The following AGBL4 variants were observed in gnomAD, a reference collection of about 807,000 sequenced individuals.
The protein encoded by AGBL4 is AGBL carboxypeptidase 4, also known as cytosolic carboxypeptidase 6.
Under a neutral mutation model 66.4 loss-of-function variants are expected in AGBL4, and 58 were observed. The ratio of observed to expected loss-of-function variants is 0.87; its 90% CI spans 0.71 to 1.09. AGBL4 has a LOEUF of 1.09. Ranked by LOEUF, AGBL4 falls within the 50% of genes least tolerant of loss-of-function variation. The probability of loss-of-function intolerance (pLI) is 0.00; values close to 1 mark genes in which losing one functional copy is unlikely to be tolerated. For synonymous variants in AGBL4, 234 were observed against 222.9 expected, an observed-to-expected ratio of 1.05 and a Z score of -0.44; for missense variants, 579 against 631.0, an observed-to-expected ratio of 0.92 and a Z score of 0.88.
intron 3 of AGBL4, among the ~76,000 whole-genome samples, chr1:49,648,844 G>A (rs1378299552): frequency 1.3e-5 from 2 of 151,550 alleles, no homozygotes; most frequent in Non-Finnish European, 2.9e-5. Context: ...TGAAAGAAAT[G>A]TTAAAAGAAA....
rs571036241 is a variant in AGBL4 at position 49,452,178 on chromosome 1, A to C, written c.283-206314T>G. Reference sequence around the variant, plus strand: ...ACGTTCGGATTTCTCTTCAGCCCAAATCTGTTTTATTATGCTTCTGGCTCA... The same window carrying C: ...ACGTTCGGATTTCTCTTCAGCCCAACTCTGTTTTATTATGCTTCTGGCTCA... On this transcript the variant is annotated intron_variant, in intron 3 of 13. Coordinates refer to ENST00000371839, the MANE Select transcript of AGBL4 (RefSeq NM_032785.4). Among the ~76,000 whole-genome samples the C allele has an allele frequency of 7.4e-4, 113 of 151,798 alleles. 1 individual carries two copies. The South Asian group carries it at 0.023, about 31-fold the overall frequency.
intron 6 of AGBL4, among the ~76,000 whole-genome samples, chr1:48,777,755 A>G (rs903994101): frequency 6.6e-6 from 1 of 152,120 alleles, no homozygotes; most frequent in African/African-American, 2.4e-5. Flanking sequence ...CAGCACGCCC[A>G]CCACTGAGCA....
At chr1:49,947,018 AC>A (rs1036587684) in intron 1 of AGBL4, among the ~76,000 whole-genome samples, 25 of 151,928 alleles carry the variant, frequency 1.6e-4, no homozygotes, top group African/African-American at 5.8e-4. Context: ...AGAATTAGAC[AC>A]CCTGAACAGA....
intron 2 of AGBL4, among the ~76,000 whole-genome samples, chr1:49,807,896 C>CATGTGAG (rs1372290145): frequency 6.6e-6 from 1 of 152,194 alleles, no homozygotes; most frequent in Non-Finnish European, 1.5e-5. Flanking sequence ...CCCTTCCACC[C>CATGTGAG]ATGTGAGGGC....
At chr1:49,004,945 G>T (rs1007207093) in intron 5 of AGBL4, among the ~76,000 whole-genome samples, 19 of 152,168 alleles carry the variant, frequency 1.2e-4, no homozygotes, top group Non-Finnish European at 2.6e-4. Context: ...CGAGTTTAGA[G>T]CAAGATGTTT....
intron 5 of AGBL4, among the ~76,000 whole-genome samples, chr1:48,956,517 C>G (rs184462853): frequency 6.6e-6 from 1 of 152,228 alleles, no homozygotes; most frequent in Admixed American, 6.5e-5. Flanking sequence ...AAAAACATAA[C>G]TGCAATTGCT....
chr1:49,969,374 T>A (rs988583822), intron 1 of AGBL4, among the ~76,000 whole-genome samples: 1 of 151,608 alleles, frequency 6.6e-6, no homozygotes, highest in Non-Finnish European at 1.5e-5. Flanking sequence ...TCTGTGTGAG[T>A]GTGTGTGTGT....
chr1:48,779,704 C>CTTTTTTTTTTTTTTTTTTTTTTT (rs200375125), intron 6 of AGBL4, among the ~76,000 whole-genome samples: 3 of 137,182 alleles, frequency 2.2e-5, no homozygotes, highest in African/African-American at 2.8e-5. Flanking sequence ...CTGTTCCTCT[C>CTTTTTTTTTTTTTTTTTTTTTTT]TTTTTTTTTT....
chr1:49,955,445 C>T (rs1656514811), intron 1 of AGBL4, among the ~76,000 whole-genome samples: 1 of 151,942 alleles, frequency 6.6e-6, no homozygotes, highest in South Asian at 2.1e-4. Flanking sequence ...TTCTCTTCTT[C>T]CTTAAAGCAT....
At chr1:49,855,673 T>A (rs1646414878) in intron 1 of AGBL4, among the ~76,000 whole-genome samples, 1 of 151,486 alleles carries the variant, frequency 6.6e-6, no homozygotes, top group African/African-American at 2.4e-5. Flanking sequence ...ATGAAAAAAA[T>A]TAAGAAGAAA....
intron 6 of AGBL4, among the ~76,000 whole-genome samples, chr1:48,695,419 C>G (rs909016736): frequency 6.6e-6 from 1 of 152,216 alleles, no homozygotes; most frequent in Non-Finnish European, 1.5e-5. Flanking sequence ...CACGCTTTAG[C>G]CCTAATTTCA....
chr1:49,606,233 C>G (rs1300125214), intron 3 of AGBL4, among the ~76,000 whole-genome samples: 1 of 152,108 alleles, frequency 6.6e-6, no homozygotes, highest in African/African-American at 2.4e-5. Context: ...TACCATATTA[C>G]TCTCTCCACA....
chr1:49,915,219 G>A (rs961524924), intron 1 of AGBL4, among the ~76,000 whole-genome samples: 8 of 152,136 alleles, frequency 5.3e-5, no homozygotes, highest in Non-Finnish European at 1.2e-4. Flanking sequence ...TCTCACTGGG[G>A]CATGTTGGAC....
chr1:48,817,059 T>C (rs1283234554), intron 6 of AGBL4, among the ~76,000 whole-genome samples: 5 of 152,272 alleles, frequency 3.3e-5, no homozygotes, highest in Admixed American at 3.3e-4. Context: ...TTCTAGGAAC[T>C]GTAAATACTT....
At chr1:49,040,549 C>T (rs1643911648) in intron 5 of AGBL4, among the ~76,000 whole-genome samples, 1 of 152,034 alleles carries the variant, frequency 6.6e-6, no homozygotes, top group African/African-American at 2.4e-5. Context: ...CGAAATCCAT[C>T]CAAATGTCCT....
rs1651938263 is a variant in AGBL4, at chr1:49,919,278, A to G, written c.35-67760T>C. Among the ~76,000 whole-genome samples the G allele has an allele frequency of 2.0e-5, 3 of 152,324 alleles. No homozygotes were observed. In the South Asian group the frequency reaches 6.2e-4, roughly 32 times the overall value. On this transcript the variant is annotated intron_variant, in intron 1 of 13. Transcript: ENST00000371839. ...AGAAATAAAGGGGATTCAATTAGGA[A>G]AACAGGAAGTCACATTGGCCCTGTT...
intron 3 of AGBL4, among the ~76,000 whole-genome samples, chr1:49,621,051 G>A (rs1429626806): frequency 6.6e-6 from 1 of 152,132 alleles, no homozygotes; most frequent in Non-Finnish European, 1.5e-5. Flanking sequence ...ACATTTATAT[G>A]AATGTTGTCT....
At chr1:48,799,940 G>T (rs186499361) in intron 6 of AGBL4, among the ~76,000 whole-genome samples, 1 of 152,266 alleles carries the variant, frequency 6.6e-6, no homozygotes, top group Admixed American at 6.5e-5. Flanking sequence ...GTTCATCAGA[G>T]ATATTGGTCT....
intron 2 of AGBL4, among the ~76,000 whole-genome samples, chr1:49,781,038 C>T (rs1321087908): frequency 6.6e-6 from 1 of 151,918 alleles, no homozygotes; most frequent in African/African-American, 2.4e-5. Context: ...AAAAGGTATA[C>T]CACACAAAAA....
Sources: gnomAD v4.1 joint callset for allele counts (sites outside exome capture counted in the v4.1 genomes callset) on GRCh38, gnomAD v4.1.1 for gene constraint, MANE v1.5 for transcripts, NCBI Gene and HGNC (gene_info 2026-07-23, HGNC 2026-07-21) for gene names.